PIK3C3: variants seen among roughly 807,000 people sequenced by gnomAD.
PIK3C3 encodes the protein phosphatidylinositol 3-kinase catalytic subunit type 3.
A neutral mutation model predicts 126.1 loss-of-function variants in PIK3C3; 95 were observed. The ratio of observed to expected loss-of-function variants is 0.75; its 90% confidence interval spans 0.64 to 0.89. The LOEUF (loss-of-function observed/expected upper bound fraction) is 0.89, where lower values mean the gene tolerates loss of function less well. Among genes scored for constraint, PIK3C3 ranks in the 40% least tolerant of loss-of-function variants. PIK3C3 has a pLI of 0.00. For synonymous variants in PIK3C3, 374 were observed against 360.0 expected (o/e 1.04, Z -0.44); for missense variants, 829 against 1,063.2 (o/e 0.78, Z 3.06).
intron 22 of PIK3C3, among the ~76,000 whole-genome samples, chr18:42,058,657 T>C (rs1010863123): frequency 2.6e-5 from 4 of 152,198 alleles, no homozygotes; most frequent in Non-Finnish European, 4.4e-5. Context: ...AAAAAATGTT[T>C]TTTCTCCGTC....
intron 15 of PIK3C3, 127 bp from the exon 16 acceptor site, chr18:42,033,699 C>G: frequency 1.7e-6 from 1 of 597,170 alleles, no homozygotes; most frequent in Non-Finnish European, 2.8e-6. Context: ...AACACCATCT[C>G]CTTTATATTA....
At chr18:42,026,705 G>A (rs1700744898) in intron 13 of PIK3C3, 1 of 152,056 alleles carries the variant, frequency 6.6e-6, no homozygotes, top group Admixed American at 6.6e-5. Context: ...CCAAAACACT[G>A]GGATTATAGG....
At chr18:42,013,726 T>A in intron 11 of PIK3C3, 130 bp downstream of exon 11, 1 of 670,966 alleles carries the variant, frequency 1.5e-6, no homozygotes, top group Non-Finnish European at 2.6e-6. Context: ...CTAGTGAATA[T>A]TGCATGTGTA....
chr18:42,025,004 G>C (rs892468401), intron 13 of PIK3C3, among the ~76,000 whole-genome samples: 2 of 151,684 alleles, frequency 1.3e-5, no homozygotes, highest in Admixed American at 6.6e-5. Context: ...AGTAGAGACG[G>C]GGTTTCACCG....
At chr18:41,983,259 G>A (rs570831965) in intron 4 of PIK3C3, among the ~76,000 whole-genome samples, 11 of 152,192 alleles carry the variant, frequency 7.2e-5, no homozygotes, top group African/African-American at 2.6e-4. Flanking sequence ...GAAGGACAGA[G>A]GACATGATGG....
intron 24 of PIK3C3, among the ~76,000 whole-genome samples, chr18:42,076,683 G>A (rs886820527): frequency 1.3e-5 from 2 of 152,232 alleles, no homozygotes; most frequent in African/African-American, 4.8e-5. Context: ...AATAGCAAGA[G>A]TCAGCAGAAT....
chr18:41,977,405 C>T (rs1490880062), intron 4 of PIK3C3, among the ~76,000 whole-genome samples: 1 of 152,058 alleles, frequency 6.6e-6, no homozygotes, highest in African/African-American at 2.4e-5. Flanking sequence ...TGAGAGAACC[C>T]CTTAGTAAGT....
intron 15 of PIK3C3, among the ~76,000 whole-genome samples, chr18:42,030,207 T>C (rs572440158): frequency 6.6e-6 from 1 of 152,344 alleles, no homozygotes; most frequent in Admixed American, 6.5e-5. Flanking sequence ...CAGATTGACT[T>C]GCCCAAGGTT....
intron 21 of PIK3C3, among the ~76,000 whole-genome samples, chr18:42,053,890 T>C (rs1284307816): frequency 6.6e-6 from 1 of 151,766 alleles, no homozygotes; most frequent in Non-Finnish European, 1.5e-5. Flanking sequence ...GTATCTGTAC[T>C]AAATGGAAAG....
intron 4 of PIK3C3, among the ~76,000 whole-genome samples, chr18:41,986,879 T>A (rs1981505948): frequency 6.6e-6 from 1 of 152,126 alleles, no homozygotes; most frequent in Admixed American, 6.6e-5. Flanking sequence ...ATTAGTATTT[T>A]TATTTCTGAA....
At chr18:41,997,802 G>T (rs953690509) in intron 9 of PIK3C3, among the ~76,000 whole-genome samples, 18 of 152,072 alleles carry the variant, frequency 1.2e-4, no homozygotes, top group African/African-American at 4.3e-4. Flanking sequence ...CTCTTGATAT[G>T]CTTGCATCTA....
At chr18:41,961,257 T>C (rs1481323517) in intron 2 of PIK3C3, among the ~76,000 whole-genome samples, 1 of 152,216 alleles carries the variant, frequency 6.6e-6, no homozygotes, top group Non-Finnish European at 1.5e-5. Flanking sequence ...TATCGCTTAT[T>C]GTTGTCTTCA....
At chr18:42,049,819 CAA>C (rs770772417) in intron 21 of PIK3C3, 10 of 376,430 alleles carry the variant, frequency 2.7e-5, no homozygotes, top group African/African-American at 6.3e-5. Flanking sequence ...ACTAAACACA[CAA>C]AATTTGCCGG....
chr18:42,060,826 T>G (rs1258472977), intron 22 of PIK3C3, among the ~76,000 whole-genome samples: 3 of 152,082 alleles, frequency 2.0e-5, no homozygotes, highest in Non-Finnish European at 2.9e-5. Context: ...CAAGTAAGGT[T>G]CTCATATTGT....
chr18:42,078,646 G>A (rs1447019521), intron 24 of PIK3C3, among the ~76,000 whole-genome samples: 1 of 152,038 alleles, frequency 6.6e-6, no homozygotes, highest in East Asian at 1.9e-4. Flanking sequence ...AGTCCTATGT[G>A]GCATCTTATT....
intron 21 of PIK3C3, chr18:42,051,112 A>G (rs1984782779): frequency 6.6e-6 from 1 of 152,276 alleles, no homozygotes. Flanking sequence ...CAAAGTTAAC[A>G]GAAGAGACAG....
At chr18:42,070,988 G>C (rs1985749612) in intron 24 of PIK3C3, among the ~76,000 whole-genome samples, 1 of 152,128 alleles carries the variant, frequency 6.6e-6, no homozygotes. Flanking sequence ...CTAGGTTCCT[G>C]TTTTCTAGTT....
At chr18:42,020,379 C>A (rs1983267357) in intron 12 of PIK3C3, among the ~76,000 whole-genome samples, 1 of 152,084 alleles carries the variant, frequency 6.6e-6, no homozygotes, top group Non-Finnish European at 1.5e-5. Flanking sequence ...ATGACCATTT[C>A]TTTTAATGTC....
chr18:42,022,240 GTAACTCATCAT>G (rs1387799766), intron 13 of PIK3C3, among the ~76,000 whole-genome samples: 1 of 152,116 alleles, frequency 6.6e-6, no homozygotes, highest in Non-Finnish European at 1.5e-5. Flanking sequence ...GCTGCACCCG[GTAACTCATCAT>G]TAACATTAGG....
Sources: allele counts gnomAD v4.1 joint callset (sites outside exome capture counted in the v4.1 genomes callset), GRCh38; gene constraint gnomAD v4.1.1; transcripts MANE v1.5; gene names NCBI Gene and HGNC (gene_info 2026-07-23, HGNC 2026-07-21).